Variants in TRAK1 observed in about 807,000 individuals in gnomAD.
TRAK1 encodes the protein trafficking kinesin protein 1, also known as trafficking kinesin-binding protein 1.
A neutral mutation model predicts 92.1 loss-of-function variants in TRAK1; 33 were observed. The observed-to-expected ratio is 0.36, with a 90% CI of 0.27 to 0.48. TRAK1 has a LOEUF of 0.48. Among genes scored for constraint, TRAK1 ranks in the 20% least tolerant of loss-of-function variants. The probability of loss-of-function intolerance (pLI) is 0.99; values close to 1 mark genes in which losing one functional copy is unlikely to be tolerated. For synonymous variants in TRAK1, 521 were observed against 517.3 expected (o/e 1.01, Z -0.10); for missense variants, 1,123 against 1,257.9 (o/e 0.89, Z 1.62).
chr3:42,103,865 C>G (rs140369947), intron 1 of TRAK1, among the ~76,000 whole-genome samples: 1 of 152,178 alleles, frequency 6.6e-6, no homozygotes, highest in Non-Finnish European at 1.5e-5. Flanking sequence ...TGGAGCAGGA[C>G]GGGTCATCAC....
At chr3:42,128,812 T>C (rs756741834) in intron 2 of TRAK1, among the ~76,000 whole-genome samples, 2 of 151,626 alleles carry the variant, frequency 1.3e-5, no homozygotes, top group African/African-American at 2.4e-5. Flanking sequence ...TTAAATGTGC[T>C]GATAGATCTT....
upstream of TRAK1, among the ~76,000 whole-genome samples, chr3:42,090,779 G>T (rs186854557): frequency 6.6e-5 from 10 of 152,330 alleles, no homozygotes; most frequent in African/African-American, 2.4e-4. Flanking sequence ...GTGACTTGGG[G>T]GTTCTTTGTT....
chr3:42,085,097 A>G (rs1559746100), upstream of TRAK1, among the ~76,000 whole-genome samples: 1 of 152,140 alleles, frequency 6.6e-6, no homozygotes, highest in Admixed American at 6.5e-5. Context: ...AGCATTTCAG[A>G]TTTCAGATTT....
At chr3:42,020,260 C>T (rs1284929478) in intron 1 of TRAK1, among the ~76,000 whole-genome samples, 1 of 152,218 alleles carries the variant, frequency 6.6e-6, no homozygotes, top group East Asian at 1.9e-4. Flanking sequence ...ACGCATTGAA[C>T]CTTTAATTAT....
intron 14 of TRAK1, among the ~76,000 whole-genome samples, chr3:42,216,610 A>C (rs73831720): frequency 0.055 from 8,312 of 152,322 alleles, 757 homozygotes; most frequent in African/African-American, 0.19. Flanking sequence ...AGCTACGGGC[A>C]GTTCATCAAC....
chr3:42,041,855 C>T (rs1017435245), intron 1 of TRAK1, among the ~76,000 whole-genome samples: 4 of 149,912 alleles, frequency 2.7e-5, no homozygotes, highest in Non-Finnish European at 3.0e-5. Flanking sequence ...AGTGCAGTGG[C>T]GCGATCTTGG....
At chr3:42,153,213 G>A (rs1700140222) in intron 2 of TRAK1, among the ~76,000 whole-genome samples, 1 of 152,030 alleles carries the variant, frequency 6.6e-6, no homozygotes, top group Non-Finnish European at 1.5e-5. Flanking sequence ...AGAGCAGCGT[G>A]GGTAACATGG....
chr3:42,175,643 T>C (rs1301790130), intron 2 of TRAK1, among the ~76,000 whole-genome samples: 3 of 152,218 alleles, frequency 2.0e-5, no homozygotes, highest in African/African-American at 7.2e-5. Flanking sequence ...CCGATTTCTC[T>C]GAGCTAATTT....
At chr3:42,210,505 C>T (rs1400390159) in intron 14 of TRAK1, 2 of 1,195,520 alleles carry the variant, frequency 1.7e-6, no homozygotes, top group Non-Finnish European at 2.1e-6. Context: ...GGAAGATTCT[C>T]AAGTCCCCTG....
intron 1 of TRAK1, among the ~76,000 whole-genome samples, chr3:42,053,804 C>G (rs988090905): frequency 3.9e-5 from 6 of 152,124 alleles, no homozygotes; most frequent in African/African-American, 1.4e-4. Context: ...CGAGGGCTAC[C>G]TTTGCTTTTT....
At chr3:42,184,966 G>T in intron 4 of TRAK1, 165 bp downstream of exon 4, 1 of 598,260 alleles carries the variant, frequency 1.7e-6, no homozygotes, top group Non-Finnish European at 2.9e-6. Context: ...GTTCACCTGG[G>T]GACTAAAAGC....
intron 4 of TRAK1, among the ~76,000 whole-genome samples, chr3:42,186,928 C>G (rs1198867531): frequency 2.0e-5 from 3 of 152,160 alleles, no homozygotes; most frequent in Non-Finnish European, 4.4e-5. Flanking sequence ...ACCATAGACC[C>G]TAAGTCAAAT....
chr3:42,146,089 A>C (rs1183803921), intron 2 of TRAK1: 1 of 464,678 alleles, frequency 2.2e-6, no homozygotes. Flanking sequence ...TCTGTAAAAA[A>C]TTCTTGTATC....
At chr3:42,043,758 C>G (rs1702647242) in intron 1 of TRAK1, among the ~76,000 whole-genome samples, 1 of 151,936 alleles carries the variant, frequency 6.6e-6, no homozygotes, top group Non-Finnish European at 1.5e-5. Flanking sequence ...GTTAGGATGA[C>G]AGGACCCACC....
intron 1 of TRAK1, among the ~76,000 whole-genome samples, chr3:42,108,328 A>G (rs1328986225): frequency 6.6e-6 from 1 of 151,910 alleles, no homozygotes. Flanking sequence ...CATCTTTACT[A>G]AAAATACAAA....
At chr3:42,057,955 T>A (rs1173397275) in intron 1 of TRAK1, among the ~76,000 whole-genome samples, 1 of 152,250 alleles carries the variant, frequency 6.6e-6, no homozygotes, top group Non-Finnish European at 1.5e-5. Flanking sequence ...CCTGAACATG[T>A]CATTCAGTGA....
At chr3:42,162,783 A>G (rs1373244869) in intron 2 of TRAK1, among the ~76,000 whole-genome samples, 1 of 152,216 alleles carries the variant, frequency 6.6e-6, no homozygotes, top group Non-Finnish European at 1.5e-5. Context: ...TATACAGGCA[A>G]GAGGTCAGCT....
intron 3 of TRAK1, among the ~76,000 whole-genome samples, chr3:42,179,387 C>T (rs2149373309): frequency 6.6e-6 from 1 of 152,322 alleles, no homozygotes; most frequent in South Asian, 2.1e-4. Context: ...GGGGGATTCG[C>T]ACAGGATCCC....
chr3:42,224,104 A>G lies in TRAK1; in HGVS notation c.*367A>G, dbSNP rs187148600. 2.1e-6 allele frequency: 1 copy of G among 468,882 alleles called. No individual in the cohort carries two copies. Among genetic ancestry groups the G allele is most frequent in the Non-Finnish European group, 4.2e-6 (1 of 235,934 alleles). The allele number at this position is 468,882 out of a possible 1,614,324, so 29.0% of individuals were successfully genotyped here. A position where few individuals can be genotyped will look rare whatever the true frequency, so the allele number is the denominator to read the frequency against. Reference sequence around the variant, plus strand: ...TGTGTTCTTATCCCATGGATAGGAAACCAGTGAATTCCGTGGCTGGCACAC... The same window carrying G: ...TGTGTTCTTATCCCATGGATAGGAAGCCAGTGAATTCCGTGGCTGGCACAC... On this transcript the variant is annotated 3_prime_UTR_variant, in exon 16 of 16. Coordinates refer to ENST00000327628, the MANE Select transcript of TRAK1 (RefSeq NM_001042646.3).
Sources: allele counts gnomAD v4.1 joint callset (sites outside exome capture counted in the v4.1 genomes callset), GRCh38; gene constraint gnomAD v4.1.1; transcripts MANE v1.5; gene names NCBI Gene and HGNC (gene_info 2026-07-23, HGNC 2026-07-21).